The following NAGS variants were observed in gnomAD, a reference collection of about 807,000 sequenced individuals.
NAGS encodes the protein N-acetylglutamate synthase.
In NAGS, 34 loss-of-function variants were observed where a neutral mutation model predicts 46.9. The ratio of observed to expected loss-of-function variants is 0.72; its 90% CI spans 0.55 to 0.97. The LOEUF (loss-of-function observed/expected upper bound fraction) is 0.97, where lower values mean the gene tolerates loss of function less well. NAGS is among the 50% of genes least tolerant of loss of function. The probability of loss-of-function intolerance (pLI) is 0.00; values close to 1 mark genes in which losing one functional copy is unlikely to be tolerated. For synonymous variants in NAGS, 334 were observed against 346.3 expected (o/e 0.96, Z 0.39); for missense variants, 665 against 747.0 (o/e 0.89, Z 1.28).
Position 44,006,527 on chromosome 17 carries a change from A to G in NAGS, c.916-2A>G. The G allele has an allele frequency of 6.4e-7, 1 of 1,552,682 alleles. No homozygotes were observed. Among genetic ancestry groups the G allele is most frequent in the Non-Finnish European group, 8.7e-7 (1 of 1,147,952 alleles). Reference sequence around the variant, plus strand: ...AGGCTCACCCGCTGACTCCGGACACAGGTCCTGAGTAACGTGAACCTGCCC... The same window carrying G: ...AGGCTCACCCGCTGACTCCGGACACGGGTCCTGAGTAACGTGAACCTGCCC... On this transcript the variant is annotated splice_acceptor_variant, in intron 3 of 6. Transcript: ENST00000293404. LOFTEE classifies it high-confidence loss of function. The surrounding 1 kb of genome is among the most constrained non-coding windows in gnomAD (Gnocchi z 4.8).
chr17:44,005,195 C>T lies in NAGS; in HGVS notation c.426+106C>T, dbSNP rs1354843763. 5 of 1,458,888 alleles carry T rather than the reference C, an allele frequency of 3.4e-6. No individual in the cohort carries two copies. The highest frequency in any genetic ancestry group is 3.6e-6 in the Non-Finnish European group (4 of 1,105,694). The allele number at this position is 1,458,888 out of a possible 1,614,324, so 90.4% of individuals were successfully genotyped here. A position where few individuals can be genotyped will look rare whatever the true frequency, so the allele number is the denominator to read the frequency against. ...CGCTGCGGGCTCTGCGCAGCGGAAG[C>T]GGGAAGGAGCCCGGCAGGGCCCAGA... On this transcript the variant is annotated intron_variant, in intron 1 of 6. Transcript: ENST00000293404. This position sits in a 1 kb window ranked among gnomAD's most constrained non-coding sequence, Gnocchi z 7.2.
At position 44,008,579 on chromosome 17, in the gene NAGS, C is replaced by T. The variant is rs1397122660; in HGVS notation, c.1583C>T (p.Pro528Leu). 3 of 1,614,038 alleles carry T rather than the reference C, an allele frequency of 1.9e-6. No individual in the cohort carries two copies. In the African/African-American group the frequency reaches 4.0e-5, roughly 22 times the overall value. The change falls in exon 7 of 7, where the codon CCA becomes CTA. Residue 528 changes from proline to leucine, a missense_variant. By Grantham distance (98) the Pro-to-Leu change is moderately conservative. Coordinates refer to ENST00000293404, the MANE Select transcript of NAGS (RefSeq NM_153006.3). ...AKGLPDSFHKPASDPGS is the reference protein window; with the variant it reads ...AKGLPDSFHKLASDPGS ...GGACTGCCAGACTCCTTTCACAAGC[C>T]AGCTTCTGACCCAGGCAGCTGACCC...
chr17:44,008,837 AT>A lies in NAGS; in HGVS notation c.*237del. 1 of 579,978 alleles carries A rather than the reference AT, an allele frequency of 1.7e-6. No homozygotes were observed. Among genetic ancestry groups the A allele is most frequent in the Non-Finnish European group, 3.1e-6 (1 of 327,002 alleles). 35.9% of individuals were successfully genotyped at this position (579,978 alleles called of 1,614,324 possible). A position where few individuals can be genotyped will look rare whatever the true frequency, so the allele number is the denominator to read the frequency against. On this transcript the variant is annotated 3_prime_UTR_variant, in exon 7 of 7. Coordinates refer to ENST00000293404, the MANE Select transcript of NAGS (RefSeq NM_153006.3). Reference sequence around the variant, plus strand: ...CGACTCACTCTAAAGCTACAACCAAATGGCCTTCGATTTTCAACCTGGGGAT... The same window carrying A: ...CGACTCACTCTAAAGCTACAACCAAAGGCCTTCGATTTTCAACCTGGGGAT...
Position 44,004,737 on chromosome 17 carries a change from C to T in NAGS, c.74C>T (p.Thr25Ile). ...CCGAGGCTGAGAGGCCGGGGAGGCA[C>T]TGGGGGCGCCCGAAGGCTGAGCTGT... Reference protein sequence around the residue: ...VAPRLRGRGGTGGARRLSCGA... With the variant: ...VAPRLRGRGGIGGARRLSCGA... Residue 25 changes from threonine (T) to isoleucine (I), a missense_variant, in exon 1 of 7, where the codon ACT (threonine) becomes ATT (isoleucine). Transcript: ENST00000293404. The T allele has an allele frequency of 6.8e-7, 1 of 1,474,804 alleles. No homozygotes were observed. Among genetic ancestry groups the T allele is most frequent in the Non-Finnish European group, 9.0e-7 (1 of 1,113,076 alleles). 91.4% of individuals were successfully genotyped at this position (1,474,804 alleles called of 1,614,324 possible). A position where few individuals can be genotyped will look rare whatever the true frequency, so the allele number is the denominator to read the frequency against.
In NAGS at chr17:44,008,465, A is replaced by G; in HGVS notation, c.1469A>G (p.Asp490Gly). The change falls in exon 7 of 7, where the codon GAT becomes GGT. Residue 490 changes from aspartate to glycine, a missense_variant. Asp to Gly is a moderately conservative substitution (Grantham distance 94). Transcript: ENST00000293404. ...PINPWYFKHS[D>G]GSFSNKQWIF... ...ACACCCAGGTACTTCAAACACAGTG[A>G]TGGCAGCTTCTCCAACAAGCAGTGG... 1.9e-5 allele frequency: 30 copies of G among 1,614,264 alleles called. No homozygotes were observed. The highest frequency in any genetic ancestry group is 2.5e-5 in the Non-Finnish European group (29 of 1,180,046).
Position 44,006,948 on chromosome 17 carries a change from A to C in NAGS, c.1096+239A>C. The C allele has an allele frequency of 3.6e-6, 1 of 274,658 alleles. No homozygotes were observed. Among genetic ancestry groups the C allele is most frequent in the Non-Finnish European group, 6.6e-6 (1 of 151,278 alleles). 17.0% of individuals were successfully genotyped at this position (274,658 alleles called of 1,614,324 possible). A position where few individuals can be genotyped will look rare whatever the true frequency, so the allele number is the denominator to read the frequency against. On this transcript the variant is annotated intron_variant, in intron 4 of 6. Coordinates refer to ENST00000293404, the MANE Select transcript of NAGS (RefSeq NM_153006.3). This position sits in a 1 kb window ranked among gnomAD's most constrained non-coding sequence, Gnocchi z 4.8. Reference sequence around the variant, plus strand: ...AAAGGAATGGGCGGGACTAGGGGGGAGAAGGAGGGGCCCCCCGGTGGGCGG... The same window carrying C: ...AAAGGAATGGGCGGGACTAGGGGGGCGAAGGAGGGGCCCCCCGGTGGGCGG...
rs942547699 is a variant in NAGS, at chr17:44,005,139, G to A, written c.426+50G>A. The A allele has an allele frequency of 1.3e-6, 2 of 1,529,758 alleles. No homozygotes were observed. Among genetic ancestry groups the A allele is most frequent in the Non-Finnish European group, 1.8e-6 (2 of 1,139,808 alleles). The allele number at this position is 1,529,758 out of a possible 1,614,324, so 94.8% of individuals were successfully genotyped here. A position where few individuals can be genotyped will look rare whatever the true frequency, so the allele number is the denominator to read the frequency against. On this transcript the variant is annotated intron_variant, in intron 1 of 6. Transcript: ENST00000293404. The surrounding 1 kb of genome is among the most constrained non-coding windows in gnomAD (Gnocchi z 7.2). ...TGACGCAGCGAGGGGATGGGGTTGT[G>A]CGGCCACCTGTCCTCAGGCATGGCA...
Position 44,004,746 on chromosome 17 carries a change from C to T in NAGS, c.83C>T (p.Ala28Val). ...RLRGRGGTGG[A>V]RRLSCGARRR... ...AGAGGCCGGGGAGGCACTGGGGGCG[C>T]CCGAAGGCTGAGCTGTGGCGCGCGG... Residue 28 changes from alanine to valine, a missense_variant, in exon 1 of 7, where the codon GCC becomes GTC. Ala to Val is a moderately conservative substitution (Grantham distance 64). Coordinates refer to ENST00000293404, the MANE Select transcript of NAGS (RefSeq NM_153006.3). 2 of 1,460,142 alleles carry T rather than the reference C, an allele frequency of 1.4e-6. No homozygotes were observed. The highest frequency in any genetic ancestry group is 9.0e-7 in the Non-Finnish European group (1 of 1,107,118). The allele number at this position is 1,460,142 out of a possible 1,614,324, so 90.4% of individuals were successfully genotyped here. A position where few individuals can be genotyped will look rare whatever the true frequency, so the allele number is the denominator to read the frequency against.
Position 44,004,750 on chromosome 17 carries a change from A to G in NAGS, c.87A>G (p.Arg29=). ...LRGRGGTGGA[R]RLSCGARRRA... ...GCCGGGGAGGCACTGGGGGCGCCCG[A>G]AGGCTGAGCTGTGGCGCGCGGCGGC... The change falls in exon 1 of 7, where the codon CGA becomes CGG. Residue 29 remains arginine (R), a synonymous_variant. Transcript: ENST00000293404. 1.4e-6 allele frequency: 2 copies of G among 1,446,496 alleles called. No homozygotes were observed. The highest frequency in any genetic ancestry group is 1.8e-6 in the Non-Finnish European group (2 of 1,101,662). The allele number at this position is 1,446,496 out of a possible 1,614,324, so 89.6% of individuals were successfully genotyped here.
rs1219764962 is a variant in NAGS, at chr17:44,004,867, C to T, written c.204C>T (p.Asp68=). 1.3e-6 allele frequency: 2 copies of T among 1,530,540 alleles called. No individual in the cohort carries two copies. Among genetic ancestry groups the T allele is most frequent in the Non-Finnish European group, 8.7e-7 (1 of 1,144,896 alleles). 94.8% of individuals were successfully genotyped at this position (1,530,540 alleles called of 1,614,324 possible). A position where few individuals can be genotyped will look rare whatever the true frequency, so the allele number is the denominator to read the frequency against. Residue 68 remains aspartate (D), a synonymous_variant, in exon 1 of 7, where the codon GAC becomes GAT. Coordinates refer to ENST00000293404, the MANE Select transcript of NAGS (RefSeq NM_153006.3). Reference sequence around the variant, plus strand: ...CCGAGGAGTACGCGGGCGCGGACGACGTCTCCCAGTCGCCCGTCGCCGAGG... The same window carrying T: ...CCGAGGAGTACGCGGGCGCGGACGATGTCTCCCAGTCGCCCGTCGCCGAGG... ...PPPEEYAGAD[D]VSQSPVAEEP...
At position 44,004,740 on chromosome 17, in the gene NAGS, G is replaced by C. The variant is rs1265426044; in HGVS notation, c.77G>C (p.Gly26Ala). Residue 26 changes from glycine (G) to alanine (A), a missense_variant, in exon 1 of 7, where the codon GGG (glycine) becomes GCG (alanine). Transcript: ENST00000293404. ...AGGCTGAGAGGCCGGGGAGGCACTGGGGGCGCCCGAAGGCTGAGCTGTGGC... is the reference window on the plus strand; with the variant it reads ...AGGCTGAGAGGCCGGGGAGGCACTGCGGGCGCCCGAAGGCTGAGCTGTGGC... ...APRLRGRGGTGGARRLSCGAR... is the reference protein window; with the variant it reads ...APRLRGRGGTAGARRLSCGAR... The C allele has an allele frequency of 4.1e-6, 6 of 1,472,728 alleles. No homozygotes were observed. Among genetic ancestry groups the C allele is most frequent in the Non-Finnish European group, 5.4e-6 (6 of 1,112,100 alleles). 91.2% of individuals were successfully genotyped at this position (1,472,728 alleles called of 1,614,324 possible). A position where few individuals can be genotyped will look rare whatever the true frequency, so the allele number is the denominator to read the frequency against.
Position 44,008,577 on chromosome 17 carries a change from GC to G in NAGS, c.1583del (p.Pro528GlnfsTer39). On this transcript the variant is annotated frameshift_variant, in exon 7 of 7. Coordinates refer to ENST00000293404, the MANE Select transcript of NAGS (RefSeq NM_153006.3). LOFTEE classifies it high-confidence loss of function. ...AKGLPDSFHKPASDPGS is the reference protein window; with the variant it reads ...AKGLPDSFHKXASDPGS ...AGGGACTGCCAGACTCCTTTCACAA[GC>G]CAGCTTCTGACCCAGGCAGCTGACC... 1 of 1,614,184 alleles carries G rather than the reference GC, an allele frequency of 6.2e-7. No homozygotes were observed. The highest frequency in any genetic ancestry group is 8.5e-7 in the Non-Finnish European group (1 of 1,180,040).
At position 44,006,768 on chromosome 17, in the gene NAGS, G is replaced by T; in HGVS notation, c.1096+59G>T. The T allele has an allele frequency of 6.6e-7, 1 of 1,512,034 alleles. No homozygotes were observed. 93.7% of individuals were successfully genotyped at this position (1,512,034 alleles called of 1,614,324 possible). Reference sequence around the variant, plus strand: ...CGGGAGTGAGTACTGGCCGGGGCTGGGTGTCTGCGGTCAGGAGGAGCGGCT... The same window carrying T: ...CGGGAGTGAGTACTGGCCGGGGCTGTGTGTCTGCGGTCAGGAGGAGCGGCT... On this transcript the variant is annotated intron_variant, in intron 4 of 6. Coordinates refer to ENST00000293404, the MANE Select transcript of NAGS (RefSeq NM_153006.3). The surrounding 1 kb of genome is among the most constrained non-coding windows in gnomAD (Gnocchi z 4.8).
rs878944985 is a variant in NAGS at position 44,007,227 on chromosome 17, G to GGT, written c.1097-95_1097-94insTG. The stretch of plus-strand genomic sequence containing the variant: ...TTCACTGTGGAGGTCTCCCAAAGAC[G>GGT]GAAATTGTCCCACCAGCGCCTGTCC... On this transcript the variant is annotated intron_variant, in intron 4 of 6. Coordinates refer to ENST00000293404, the MANE Select transcript of NAGS (RefSeq NM_153006.3). The surrounding 1 kb of genome is among the most constrained non-coding windows in gnomAD (Gnocchi z 5.1). 41 of 1,196,754 alleles carry GGT rather than the reference G, an allele frequency of 3.4e-5. No individual in the cohort carries two copies. The South Asian group carries it at 5.5e-4, about 16-fold the overall frequency. The allele number at this position is 1,196,754 out of a possible 1,614,324, so 74.1% of individuals were successfully genotyped here.
At position 44,005,670 on chromosome 17, in the gene NAGS, G is replaced by C; in HGVS notation, c.460G>C (p.Val154Leu). The C allele has an allele frequency of 6.2e-7, 1 of 1,610,388 alleles. No individual in the cohort carries two copies. The highest frequency in any genetic ancestry group is 8.5e-7 in the Non-Finnish European group (1 of 1,178,690). The change falls in exon 2 of 7, where the codon GTA becomes CTA. Residue 154 changes from valine to leucine, a missense_variant. Val to Leu is a conservative substitution (Grantham distance 32). Coordinates refer to ENST00000293404, the MANE Select transcript of NAGS (RefSeq NM_153006.3). The surrounding 1 kb of genome is among the most constrained non-coding windows in gnomAD (Gnocchi z 7.2). ...DEEVLKCQQG[V>L]SSLAFALAFL... ...GGAGGTGCTCAAGTGCCAGCAGGGCGTATCCAGTCTGGCCTTTGCCCTGGC... is the reference window on the plus strand; with the variant it reads ...GGAGGTGCTCAAGTGCCAGCAGGGCCTATCCAGTCTGGCCTTTGCCCTGGC...
Position 44,005,011 on chromosome 17 carries a change from C to T in NAGS, c.348C>T (p.Ser116=). ...CCTTCCTGAACCAGTGCGGGGCCAG[C>T]CCTGGGGAGGCGCGCCACTGGCTCA... The part of the protein sequence containing the change: ...IQAFLNQCGA[S]PGEARHWLTQ... Residue 116 remains serine (S), a synonymous_variant, in exon 1 of 7, where the codon AGC becomes AGT. Coordinates refer to ENST00000293404, the MANE Select transcript of NAGS (RefSeq NM_153006.3). The surrounding 1 kb of genome is among the most constrained non-coding windows in gnomAD (Gnocchi z 7.2). 6.4e-7 allele frequency: 1 copy of T among 1,558,462 alleles called. No individual in the cohort carries two copies.
Position 44,005,839 on chromosome 17 carries a change from A to G in NAGS, c.629A>G (p.Asn210Ser). Residue 210 changes from asparagine (N) to serine (S), a missense_variant, in exon 2 of 7, where the codon AAC (asparagine) becomes AGC (serine). By Grantham distance (46) the Asn-to-Ser change is conservative. Coordinates refer to ENST00000293404, the MANE Select transcript of NAGS (RefSeq NM_153006.3). The surrounding 1 kb of genome is among the most constrained non-coding windows in gnomAD (Gnocchi z 7.2). ...GTGCTGGTAGACGCGCTTCGACACA[A>G]CGCCGCCGCTGCTGTGCCATTTTTT... ...CKVLVDALRH[N>S]AAAAVPFFGG... is the part of the protein sequence containing the mutation. 2 of 1,566,102 alleles carry G rather than the reference A, an allele frequency of 1.3e-6. No homozygotes were observed. The highest frequency in any genetic ancestry group is 1.2e-5 in the South Asian group (1 of 85,432).
Position 44,005,014 on chromosome 17 carries a change from T to G in NAGS, c.351T>G (p.Pro117=), listed in dbSNP as rs1214682844. 2 of 1,560,308 alleles carry G rather than the reference T, an allele frequency of 1.3e-6. No individual in the cohort carries two copies. Among genetic ancestry groups the G allele is most frequent in the Admixed American group, 3.7e-5 (2 of 54,112 alleles). The change falls in exon 1 of 7, where the codon CCT becomes CCG. Residue 117 remains proline, a synonymous_variant. Transcript: ENST00000293404. This position sits in a 1 kb window ranked among gnomAD's most constrained non-coding sequence, Gnocchi z 7.2. ...TCCTGAACCAGTGCGGGGCCAGCCC[T>G]GGGGAGGCGCGCCACTGGCTCACGC... The part of the protein sequence containing the change: ...QAFLNQCGAS[P]GEARHWLTQF...
chr17:44,005,825 CG>C lies in NAGS; in HGVS notation c.616del (p.Ala206ArgfsTer72). On this transcript the variant is annotated frameshift_variant, in exon 2 of 7. Coordinates refer to ENST00000293404, the MANE Select transcript of NAGS (RefSeq NM_153006.3). LOFTEE classifies it high-confidence loss of function. The surrounding 1 kb of genome is among the most constrained non-coding windows in gnomAD (Gnocchi z 7.2). ...CCAAGAGCTGCAAGGTGCTGGTAGA[CG>C]CGCTTCGACACAACGCCGCCGCTGC... ...LAKSCKVLVD[A>X]LRHNAAAAVP... 6.3e-7 allele frequency: 1 copy of C among 1,576,190 alleles called. No homozygotes were observed.
Sources: gnomAD v4.1 joint callset for allele counts on GRCh38, gnomAD v4.1.1 for gene constraint, Gnocchi (gnomAD v3.1) non-coding constraint, MANE v1.5 for transcripts, NCBI Gene and HGNC (gene_info 2026-07-23, HGNC 2026-07-21) for gene names.